BTBD9: variants seen among roughly 807,000 people sequenced by gnomAD.
BTBD9 encodes the protein BTB domain containing 9.
In BTBD9, 49 loss-of-function variants were observed where a neutral mutation model predicts 64.3. The observed-to-expected ratio is 0.76, with a 90% CI of 0.61 to 0.97. The LOEUF (loss-of-function observed/expected upper bound fraction) is 0.97. BTBD9 is among the 50% of genes least tolerant of loss of function. The pLI is 0.00. For synonymous variants in BTBD9, 260 were observed against 274.7 expected, an observed-to-expected ratio of 0.95 and a Z score of 0.53; for missense variants, 598 against 762.1, an observed-to-expected ratio of 0.78 and a Z score of 2.53.
At chr6:38,559,147 A>G (rs917528502) in intron 6 of BTBD9, among the ~76,000 whole-genome samples, 4 of 152,178 alleles carry the variant, frequency 2.6e-5, no homozygotes, top group African/African-American at 9.7e-5. Flanking sequence ...AATCTTAGGA[A>G]GTTGTCTGTT....
chr6:38,533,130 A>T (rs1237156815), intron 6 of BTBD9, among the ~76,000 whole-genome samples: 1 of 151,916 alleles, frequency 6.6e-6, no homozygotes, highest in Non-Finnish European at 1.5e-5. Flanking sequence ...TAATAATAAT[A>T]AAAAAAACAA....
chr6:38,619,714 T>C (rs747580986), intron 1 of BTBD9, among the ~76,000 whole-genome samples: 4 of 152,168 alleles, frequency 2.6e-5, no homozygotes, highest in Non-Finnish European at 5.9e-5. Context: ...CTGGCACAGC[T>C]TTCTCAGTGT....
At chr6:38,621,068 T>C (rs993711410) in intron 1 of BTBD9, among the ~76,000 whole-genome samples, 1 of 152,186 alleles carries the variant, frequency 6.6e-6, no homozygotes, top group African/African-American at 2.4e-5. Flanking sequence ...CCTAAGGAAA[T>C]TGATATAGTA....
intron 6 of BTBD9, among the ~76,000 whole-genome samples, chr6:38,567,158 T>C (rs7755619): frequency 0.2 from 30,053 of 152,194 alleles, 3,391 homozygotes; most frequent in Non-Finnish European, 0.27. Context: ...CAGTAACTAA[T>C]GTGTAAATTA....
chr6:38,465,294 A>G (rs9689697), intron 6 of BTBD9, among the ~76,000 whole-genome samples: 8,199 of 151,590 alleles, frequency 0.054, 478 homozygotes, highest in African/African-American at 0.14. Flanking sequence ...GACTGTCGCA[A>G]AAAAACAAAA....
At chr6:38,269,543 G>T (rs771713474) in intron 8 of BTBD9, among the ~76,000 whole-genome samples, 2 of 151,858 alleles carry the variant, frequency 1.3e-5, no homozygotes, top group African/African-American at 4.8e-5. Context: ...CTAAACAGCT[G>T]TAATTAAACC....
At chr6:38,236,687 G>A (rs1227322944) in intron 9 of BTBD9, among the ~76,000 whole-genome samples, 2 of 152,236 alleles carry the variant, frequency 1.3e-5, no homozygotes, top group East Asian at 3.8e-4. Context: ...TGTGGGCACA[G>A]TAATATGAGG....
intron 4 of BTBD9, among the ~76,000 whole-genome samples, chr6:38,583,890 T>C (rs891313198): frequency 6.6e-6 from 1 of 152,186 alleles, no homozygotes; most frequent in East Asian, 1.9e-4. Flanking sequence ...AGAATTTTTC[T>C]GCAAAATCCA....
At chr6:38,251,199 C>T (rs1170644823) in intron 9 of BTBD9, among the ~76,000 whole-genome samples, 1 of 150,708 alleles carries the variant, frequency 6.6e-6, no homozygotes, top group East Asian at 1.9e-4. Context: ...GTTAAATGAG[C>T]TAAATTTCTC....
At chr6:38,331,677 T>C (rs1179412924) in intron 7 of BTBD9, among the ~76,000 whole-genome samples, 1 of 151,994 alleles carries the variant, frequency 6.6e-6, no homozygotes, top group African/African-American at 2.4e-5. Flanking sequence ...TGAGCAAACA[T>C]AATGGGACCC....
rs564434333 is a variant in BTBD9 at position 38,373,478 on chromosome 6, C to T, written c.1155-28385G>A. Among the ~76,000 whole-genome samples the T allele has an allele frequency of 4.6e-5, 7 of 152,276 alleles. No individual in the cohort carries two copies. In the South Asian group the frequency reaches 1.0e-3, roughly 23 times the overall value. On this transcript the variant is annotated intron_variant, in intron 6 of 10. Coordinates refer to ENST00000481247, the MANE Select transcript of BTBD9 (RefSeq NM_001099272.2). ...TGTGACAGTTTCCTTTGTAATAAAA[C>T]CATAAAACATGCACTTCAGAAGGCA... is the stretch of plus-strand genomic sequence containing the variant.
chr6:38,317,510 A>G lies in BTBD9; in HGVS notation c.1264+27474T>C, dbSNP rs1719391771. Among the ~76,000 whole-genome samples the G allele has an allele frequency of 2.0e-5, 3 of 152,106 alleles. No homozygotes were observed. In the South Asian group the frequency reaches 6.2e-4, roughly 32 times the overall value. ...TTGGGTTAAATCTGCTTAGTGTTCT[A>G]AACCTTCTTGTACTTGAATATTGAT... On this transcript the variant is annotated intron_variant, in intron 7 of 10. Coordinates refer to ENST00000481247, the MANE Select transcript of BTBD9 (RefSeq NM_001099272.2).
chr6:38,257,554 G>A (rs556759375), intron 8 of BTBD9, among the ~76,000 whole-genome samples: 9 of 133,460 alleles, frequency 6.7e-5, no homozygotes, highest in African/African-American at 2.1e-4. Context: ...CTTTATTATC[G>A]TGTTTTAGTT....
rs1773559917 is a variant in BTBD9, at chr6:38,527,412, A to T, written c.1154+50188T>A. Among the ~76,000 whole-genome samples, 5 of 152,124 alleles carry T rather than the reference A, an allele frequency of 3.3e-5. No individual in the cohort carries two copies. The South Asian group carries it at 1.0e-3, about 32-fold the overall frequency. On this transcript the variant is annotated intron_variant, in intron 6 of 10. Transcript: ENST00000481247. ...CAAGGGAGGAAACTGTAATCCCCAC[A>T]TGTCAAGGGAGGGAGGTGACTGGAT... is the stretch of plus-strand genomic sequence containing the variant.
At chr6:38,474,291 C>T (rs568202467) in intron 6 of BTBD9, among the ~76,000 whole-genome samples, 127 of 152,172 alleles carry the variant, frequency 8.3e-4, no homozygotes, top group African/African-American at 2.9e-3. Flanking sequence ...TGGGAGTTGA[C>T]GTGGGCGGAT....
At chr6:38,316,869 A>G (rs989282523) in intron 7 of BTBD9, among the ~76,000 whole-genome samples, 2 of 152,190 alleles carry the variant, frequency 1.3e-5, no homozygotes, top group East Asian at 3.9e-4. Context: ...TTCTTGTAGG[A>G]CAGGTCTAGT....
chr6:38,511,980 C>G (rs1445697215), intron 6 of BTBD9, among the ~76,000 whole-genome samples: 2 of 151,834 alleles, frequency 1.3e-5, no homozygotes, highest in Non-Finnish European at 2.9e-5. Flanking sequence ...ACTATTTTTC[C>G]CCCTTTTTTT....
chr6:38,607,029 T>C (rs1211950938), intron 1 of BTBD9, among the ~76,000 whole-genome samples: 1 of 152,170 alleles, frequency 6.6e-6, no homozygotes, highest in Non-Finnish European at 1.5e-5. Flanking sequence ...TAACATACCA[T>C]CTTCAGACTA....
chr6:38,570,734 T>A (rs76636324), intron 6 of BTBD9, among the ~76,000 whole-genome samples: 2,653 of 152,286 alleles, frequency 0.017, 59 homozygotes, highest in African/African-American at 0.057. Context: ...TCCTATGCCT[T>A]GCAGATGACA....
Sources: gnomAD v4.1 joint callset for allele counts (sites outside exome capture counted in the v4.1 genomes callset) on GRCh38, gnomAD v4.1.1 for gene constraint, MANE v1.5 for transcripts, NCBI Gene and HGNC (gene_info 2026-07-23, HGNC 2026-07-21) for gene names.